Variants in ENOX2 observed in about 807,000 individuals in gnomAD.
ENOX2 encodes ecto-NOX disulfide-thiol exchanger 2, also known as APK1 antigen.
In ENOX2, 36 loss-of-function variants were observed where a neutral mutation model predicts 45.0. The observed-to-expected ratio is 0.80, with a 90% CI of 0.61 to 1.06. ENOX2 has a LOEUF of 1.06. Ranked by LOEUF, ENOX2 falls within the 50% of genes least tolerant of loss-of-function variation. The probability of loss-of-function intolerance (pLI) is 0.00; values close to 1 mark genes in which losing one functional copy is unlikely to be tolerated. For missense variants in ENOX2, 423 were observed against 462.5 expected (o/e 0.91, Z 0.78); for synonymous variants, 174 against 152.3 (o/e 1.14, Z -1.05).
At chrX:130,750,906 C>T (rs756713134) in intron 3 of ENOX2, among the ~76,000 whole-genome samples, 1 of 110,938 alleles carries the variant, frequency 9.0e-6, no homozygotes, top group East Asian at 2.8e-4. Context: ...CTGTTTCTAT[C>T]CATATCTCTC....
chrX:130,691,491 C>T (rs932249035), intron 4 of ENOX2, among the ~76,000 whole-genome samples: 2 of 111,808 alleles, frequency 1.8e-5, no homozygotes, highest in Non-Finnish European at 3.8e-5. Flanking sequence ...CTTCCGATAC[C>T]CTGTCTTCCT....
intron 3 of ENOX2, among the ~76,000 whole-genome samples, chrX:130,710,557 G>A (rs1603314477): frequency 9.0e-6 from 1 of 111,668 alleles, no homozygotes; most frequent in Non-Finnish European, 1.9e-5. Context: ...CCCCCTTCAA[G>A]AACCAATTAT....
intron 11 of ENOX2, 52 bp downstream of exon 11, chrX:130,637,177 G>T: frequency 9.6e-7 from 1 of 1,036,359 alleles, no homozygotes; most frequent in South Asian, 1.9e-5. Context: ...TTTTATAGGT[G>T]AGAAGCTGAT....
At chrX:130,732,724 A>G (rs901125068) in intron 3 of ENOX2, among the ~76,000 whole-genome samples, 5 of 111,150 alleles carry the variant, frequency 4.5e-5, no homozygotes, top group African/African-American at 1.6e-4. Flanking sequence ...ACACACACAC[A>G]CACGTACAGT....
At chrX:130,721,985 C>T (rs746212249) in intron 3 of ENOX2, among the ~76,000 whole-genome samples, 1 of 111,747 alleles carries the variant, frequency 8.9e-6, no homozygotes, top group East Asian at 2.8e-4. Flanking sequence ...AATCTAGATG[C>T]GACTTTATAG....
chrX:130,673,404 C>A (rs2037042471), intron 6 of ENOX2, among the ~76,000 whole-genome samples: 1 of 104,732 alleles, frequency 9.5e-6, no homozygotes, highest in African/African-American at 3.5e-5. Context: ...CAATGAGATC[C>A]AAGAGAAAGT....
chrX:130,764,352 A>G (rs2039565066), intron 3 of ENOX2, among the ~76,000 whole-genome samples: 4 of 110,870 alleles, frequency 3.6e-5, no homozygotes, highest in African/African-American at 1.3e-4. Context: ...TCTTCATATG[A>G]TTTCATCTTC....
chrX:130,858,832 T>C (rs1902325495), intron 2 of ENOX2, among the ~76,000 whole-genome samples: 2 of 111,976 alleles, frequency 1.8e-5, no homozygotes, highest in Non-Finnish European at 3.8e-5. Context: ...AATTGAAGAA[T>C]TGGAAACAAT....
intron 2 of ENOX2, among the ~76,000 whole-genome samples, chrX:130,841,051 C>T (rs1023836728): frequency 2.7e-5 from 3 of 111,842 alleles, no homozygotes; most frequent in Non-Finnish European, 5.6e-5. Flanking sequence ...GGGCCATGTT[C>T]TGGATTCTGA....
intron 3 of ENOX2, among the ~76,000 whole-genome samples, chrX:130,744,625 G>A (rs1298471310): frequency 8.9e-6 from 1 of 111,860 alleles, no homozygotes; most frequent in Non-Finnish European, 1.9e-5. Flanking sequence ...TATACAATGA[G>A]AAAAATGTAG....
chrX:130,896,365 C>A (rs997577036), intron 2 of ENOX2, among the ~76,000 whole-genome samples: 2 of 109,909 alleles, frequency 1.8e-5, no homozygotes, highest in Admixed American at 9.6e-5. Flanking sequence ...AAAAAAAAAA[C>A]AAAAAAACAC....
At chrX:130,822,820 T>C (rs1375587533) in intron 2 of ENOX2, among the ~76,000 whole-genome samples, 1 of 112,315 alleles carries the variant, frequency 8.9e-6, no homozygotes, top group Non-Finnish European at 1.9e-5. Context: ...TACTTTATTA[T>C]AAAATGGGTT....
At chrX:130,738,084 C>T (rs1367411852) in intron 3 of ENOX2, among the ~76,000 whole-genome samples, 1 of 112,139 alleles carries the variant, frequency 8.9e-6, no homozygotes, top group Non-Finnish European at 1.9e-5. Context: ...TCAGTTTCTA[C>T]TCTGATGTTA....
chrX:130,896,371 A>C (rs1051461198), intron 2 of ENOX2, among the ~76,000 whole-genome samples: 40 of 111,049 alleles, frequency 3.6e-4, no homozygotes, highest in Non-Finnish European at 7.6e-4. Flanking sequence ...AAAACAAAAA[A>C]ACACACATCC....
At chrX:130,715,177 G>T (rs1164717059) in intron 3 of ENOX2, among the ~76,000 whole-genome samples, 3 of 111,386 alleles carry the variant, frequency 2.7e-5, no homozygotes, top group Non-Finnish European at 5.7e-5. Context: ...GGGCTATATT[G>T]TTGACTTGCT....
At chrX:130,745,916 T>G (rs2039088252) in intron 3 of ENOX2, among the ~76,000 whole-genome samples, 1 of 112,064 alleles carries the variant, frequency 8.9e-6, no homozygotes, top group African/African-American at 3.2e-5. Context: ...TTCAACTGAT[T>G]CTTAAGAATT....
chrX:130,743,863 T>C (rs1475473820), intron 3 of ENOX2, among the ~76,000 whole-genome samples: 1 of 111,907 alleles, frequency 8.9e-6, no homozygotes, highest in Middle Eastern at 4.2e-3. Flanking sequence ...AGGACCATCA[T>C]GTGGATGAAA....
intron 2 of ENOX2, among the ~76,000 whole-genome samples, chrX:130,847,083 C>T (rs1292363455): frequency 1.8e-5 from 2 of 111,707 alleles, no homozygotes; most frequent in African/African-American, 6.5e-5. Context: ...ATATTTGTAA[C>T]GAAATGTGTT....
intron 2 of ENOX2, among the ~76,000 whole-genome samples, chrX:130,840,348 CA>C (rs2077993669): frequency 9.2e-6 from 1 of 109,087 alleles, no homozygotes; most frequent in Admixed American, 9.9e-5. Context: ...AATTATAGGC[CA>C]AAAATACTGT....
Sources: allele counts gnomAD v4.1 joint callset (sites outside exome capture counted in the v4.1 genomes callset), GRCh38; gene constraint gnomAD v4.1.1; transcripts MANE v1.5; gene names NCBI Gene and HGNC (gene_info 2026-07-23, HGNC 2026-07-21).